ROBO2: variants seen among roughly 807,000 people sequenced by gnomAD.
The protein encoded by ROBO2 is roundabout homolog 2.
Under a neutral mutation model 160.8 loss-of-function variants are expected in ROBO2, and 53 were observed. The observed-to-expected ratio is 0.33, with a 90% CI of 0.26 to 0.41. The LOEUF (loss-of-function observed/expected upper bound fraction) is 0.41, where lower values mean the gene tolerates loss of function less well. Among genes scored for constraint, ROBO2 ranks in the 10% least tolerant of loss-of-function variants. The pLI is 1.00. For synonymous variants in ROBO2, 664 were observed against 611.7 expected, an observed-to-expected ratio of 1.09 and a Z score of -1.26; for missense variants, 1,577 against 1,722.4, an observed-to-expected ratio of 0.92 and a Z score of 1.49.
chr3:77,307,788 C>T (rs550286666), intron 2 of ROBO2, among the ~76,000 whole-genome samples: 48 of 151,990 alleles, frequency 3.2e-4, no homozygotes, highest in African/African-American at 3.4e-4. Flanking sequence ...GAGGCTAAGG[C>T]GGGAGAATCA....
chr3:76,751,974 C>CA (rs1361153032), intron 2 of ROBO2, among the ~76,000 whole-genome samples: 1 of 151,914 alleles, frequency 6.6e-6, no homozygotes, highest in African/African-American at 2.4e-5. Flanking sequence ...ATCATACTCC[C>CA]AAAAAGACAC....
intron 2 of ROBO2, among the ~76,000 whole-genome samples, chr3:76,652,402 A>C (rs932354133): frequency 6.6e-6 from 1 of 152,160 alleles, no homozygotes; most frequent in African/African-American, 2.4e-5. Flanking sequence ...AAAATGTTGC[A>C]CAACTTACTT....
At chr3:77,410,495 C>CTCCTCCTCT (rs1376041798) in intron 2 of ROBO2, among the ~76,000 whole-genome samples, 17 of 145,670 alleles carry the variant, frequency 1.2e-4, no homozygotes, top group African/African-American at 3.2e-4. Context: ...TTCTTTCCTC[C>CTCCTCCTCT]TCCTCCTCTT....
chr3:77,097,838 G>A (rs543262562), intron 1 of ROBO2, among the ~76,000 whole-genome samples, 176 bp from the exon 2 acceptor site: 2 of 152,160 alleles, frequency 1.3e-5, no homozygotes, highest in South Asian at 2.1e-4. Flanking sequence ...TATTGGTATC[G>A]CCCTATCCTG....
chr3:76,335,253 C>CTCACGGT (rs1250250064), intron 2 of ROBO2, among the ~76,000 whole-genome samples: 4 of 138,374 alleles, frequency 2.9e-5, no homozygotes, highest in South Asian at 2.3e-4. Context: ...GCGATCTCTG[C>CTCACGGT]TCACGGCAAC....
At chr3:77,368,867 A>G (rs1272194011) in intron 2 of ROBO2, among the ~76,000 whole-genome samples, 1 of 152,206 alleles carries the variant, frequency 6.6e-6, no homozygotes, top group Non-Finnish European at 1.5e-5. Context: ...GACAAAATTC[A>G]TATATATGAA....
chr3:77,621,044 A>G (rs1342384485), intron 22 of ROBO2, among the ~76,000 whole-genome samples: 2 of 152,326 alleles, frequency 1.3e-5, no homozygotes, highest in East Asian at 3.9e-4. Flanking sequence ...AAAGCAAATC[A>G]ACTGGACCCT....
At chr3:76,205,130 T>G (rs1214126868) in intron 2 of ROBO2, among the ~76,000 whole-genome samples, 3 of 152,174 alleles carry the variant, frequency 2.0e-5, no homozygotes, top group African/African-American at 7.2e-5. Context: ...GAAATGGAGA[T>G]GATCCTCGTA....
At chr3:76,386,940 G>C (rs1006311277) in intron 2 of ROBO2, among the ~76,000 whole-genome samples, 3 of 152,126 alleles carry the variant, frequency 2.0e-5, no homozygotes, top group African/African-American at 7.2e-5. Flanking sequence ...TTAAAAAGCA[G>C]GTGGGAGGGA....
chr3:76,910,416 G>C (rs564763769), intron 2 of ROBO2, among the ~76,000 whole-genome samples: 2 of 151,888 alleles, frequency 1.3e-5, no homozygotes, highest in Non-Finnish European at 2.9e-5. Context: ...GCTATGGAAA[G>C]GGGCACTTTT....
At chr3:77,006,305 T>TTGTGTGTG (rs60754546) in intron 2 of ROBO2, among the ~76,000 whole-genome samples, 9,749 of 143,894 alleles carry the variant, frequency 0.068, 474 homozygotes, top group African/African-American at 0.14. Context: ...ATTTTAATAT[T>TTGTGTGTG]TGTGTGTGTG....
rs368640869 is a variant in ROBO2 at position 76,272,794 on chromosome 3, A to T, written c.109+335192A>T. On this transcript the variant is annotated intron_variant, in intron 2 of 26. Coordinates refer to the ROBO2 transcript ENST00000487694. The stretch of plus-strand genomic sequence containing the variant: ...TTTATATATAAAATATATAAAATAT[A>T]TATATATAAAATATATAATATGTAT... Among the ~76,000 whole-genome samples the T allele has an allele frequency of 1.4e-3, 14 of 9,868 alleles. 1 individual carries two copies. The highest frequency in any genetic ancestry group is 0.014 in the South Asian group (2 of 146). 6.5% of individuals were successfully genotyped at this position (9,868 alleles called of 152,430 possible).
At chr3:76,443,432 C>T (rs773489508) in intron 2 of ROBO2, among the ~76,000 whole-genome samples, 3 of 152,064 alleles carry the variant, frequency 2.0e-5, no homozygotes, top group African/African-American at 4.8e-5. Flanking sequence ...CCTGAGTATA[C>T]GTAGGGACTA....
intron 2 of ROBO2, among the ~76,000 whole-genome samples, chr3:76,240,782 T>C (rs1210148224): frequency 6.6e-6 from 1 of 152,138 alleles, no homozygotes; most frequent in African/African-American, 2.4e-5. Context: ...AGTTGTGGAA[T>C]GATCAGAAAT....
At chr3:76,994,904 T>C (rs2060900362) in intron 2 of ROBO2, among the ~76,000 whole-genome samples, 3 of 152,214 alleles carry the variant, frequency 2.0e-5, no homozygotes, top group African/African-American at 7.2e-5. Context: ...TGTTACTTTT[T>C]TCATTAATTT....
At chr3:76,169,918 C>A (rs1356945831) in intron 2 of ROBO2, among the ~76,000 whole-genome samples, 1 of 151,934 alleles carries the variant, frequency 6.6e-6, no homozygotes, top group East Asian at 1.9e-4. Context: ...GTAGCTGGGA[C>A]TACAGGCGCC....
At chr3:76,308,164 G>C (rs1029069222) in intron 2 of ROBO2, among the ~76,000 whole-genome samples, 1 of 152,052 alleles carries the variant, frequency 6.6e-6, no homozygotes, top group Non-Finnish European at 1.5e-5. Flanking sequence ...GGATCACAAG[G>C]TCAGGAGTTT....
intron 2 of ROBO2, among the ~76,000 whole-genome samples, chr3:76,603,383 T>TATATAG (rs1300611983): frequency 7.4e-6 from 1 of 134,764 alleles, no homozygotes; most frequent in African/African-American, 2.8e-5. Context: ...TATATATATA[T>TATATAG]ATATGAGTAG....
chr3:76,030,991 A>G (rs2066901569), intron 2 of ROBO2, among the ~76,000 whole-genome samples: 1 of 152,088 alleles, frequency 6.6e-6, no homozygotes, highest in South Asian at 2.1e-4. Context: ...GATTCTTCCT[A>G]TTCGTGAGCA....
Sources: gnomAD v4.1 joint callset for allele counts (sites outside exome capture counted in the v4.1 genomes callset) on GRCh38, gnomAD v4.1.1 for gene constraint, MANE v1.5 for transcripts, NCBI Gene and HGNC (gene_info 2026-07-23, HGNC 2026-07-21) for gene names.